Variants in STK24 observed in about 807,000 individuals in gnomAD.
STK24 encodes serine/threonine kinase 24.
A neutral mutation model predicts 55.6 loss-of-function variants in STK24; 21 were observed. The ratio of observed to expected loss-of-function variants is 0.38; its 90% CI spans 0.27 to 0.54. The LOEUF is 0.54. STK24 is among the 20% of genes least tolerant of loss of function. STK24 has a pLI of 0.79. For synonymous variants in STK24, 200 were observed against 215.2 expected (o/e 0.93, Z 0.62); for missense variants, 383 against 538.4 (o/e 0.71, Z 2.86).
intron 9 of STK24, 63 bp downstream of exon 9, chr13:98,460,309 A>C: frequency 6.9e-7 from 1 of 1,443,256 alleles, no homozygotes; most frequent in Non-Finnish European, 9.7e-7. Context: ...ATCACCACTG[A>C]AGTGTGTCCA....
At chr13:98,480,623 TATA>T (rs1348713788) in intron 3 of STK24, among the ~76,000 whole-genome samples, 1 of 152,258 alleles carries the variant, frequency 6.6e-6, no homozygotes, top group African/African-American at 2.4e-5. Context: ...TTTTATGGTT[TATA>T]ATAATATTTG....
At chr13:98,495,981 G>A (rs1895238966) in intron 2 of STK24, among the ~76,000 whole-genome samples, 1 of 152,248 alleles carries the variant, frequency 6.6e-6, no homozygotes, top group African/African-American at 2.4e-5. Context: ...AGAGAAAACA[G>A]ATGTGCTTCT....
chr13:98,505,497 T>C (rs112111573), intron 2 of STK24, among the ~76,000 whole-genome samples: 30 of 152,360 alleles, frequency 2.0e-4, no homozygotes, highest in African/African-American at 6.3e-4. Flanking sequence ...ATAATCAACC[T>C]TGTCATTGAC....
chr13:98,532,566 G>A (rs1896609552), intron 1 of STK24, among the ~76,000 whole-genome samples: 1 of 151,952 alleles, frequency 6.6e-6, no homozygotes, highest in Non-Finnish European at 1.5e-5. Flanking sequence ...AGCCCCAAAG[G>A]GTGCTTCGTG....
At chr13:98,561,182 C>A (rs1382995224) in intron 1 of STK24, among the ~76,000 whole-genome samples, 1 of 152,206 alleles carries the variant, frequency 6.6e-6, no homozygotes, top group African/African-American at 2.4e-5. Flanking sequence ...GCAACCTAGG[C>A]AAAGCAATTA....
intron 1 of STK24, among the ~76,000 whole-genome samples, chr13:98,535,369 AAATATAT>A (rs1469356504): frequency 3.9e-5 from 3 of 77,124 alleles, no homozygotes; most frequent in African/African-American, 1.3e-4. Flanking sequence ...AACAAAAAAA[AAATATAT>A]ATATATATAT....
At chr13:98,574,243 C>T (rs1022061968) in intron 1 of STK24, among the ~76,000 whole-genome samples, 12 of 152,210 alleles carry the variant, frequency 7.9e-5, no homozygotes, top group Non-Finnish European at 1.3e-4. Context: ...GATCTCCTGA[C>T]CTCATGATCC....
intron 1 of STK24, among the ~76,000 whole-genome samples, chr13:98,550,033 G>T (rs571975807): frequency 1.3e-5 from 2 of 152,284 alleles, no homozygotes; most frequent in East Asian, 3.9e-4. Context: ...TTCCACAGGT[G>T]GGTCGTCTGC....
At chr13:98,475,522 G>A (rs986914012) in intron 3 of STK24, among the ~76,000 whole-genome samples, 164 bp from the exon 4 acceptor site, 1 of 152,194 alleles carries the variant, frequency 6.6e-6, no homozygotes, top group African/African-American at 2.4e-5. Flanking sequence ...AGTCCACTGA[G>A]GGACCCTTAA....
At chr13:98,459,145 G>A (rs371323589) in intron 9 of STK24, among the ~76,000 whole-genome samples, 26 of 152,310 alleles carry the variant, frequency 1.7e-4, no homozygotes, top group Middle Eastern at 3.4e-3. Flanking sequence ...GCGGCCAATG[G>A]CAGGGCCGCA....
At chr13:98,462,473 C>G (rs1265937250) in intron 7 of STK24, among the ~76,000 whole-genome samples, 1 of 152,112 alleles carries the variant, frequency 6.6e-6, no homozygotes, top group African/African-American at 2.4e-5. Flanking sequence ...AGGCAATGAG[C>G]CCCAGGCCCT....
chr13:98,507,123 T>A (rs1035564451), intron 2 of STK24, among the ~76,000 whole-genome samples: 20 of 152,220 alleles, frequency 1.3e-4, no homozygotes, highest in African/African-American at 4.1e-4. Context: ...CTCCACCCGA[T>A]TCTCCCTCCT....
intron 1 of STK24, among the ~76,000 whole-genome samples, chr13:98,551,198 A>G (rs933201366): frequency 1.6e-4 from 25 of 151,868 alleles, no homozygotes; most frequent in Admixed American, 6.5e-5. Flanking sequence ...AGGCAGGAGA[A>G]TGGCGTGAAC....
chr13:98,514,044 G>A (rs1254308630), intron 2 of STK24, among the ~76,000 whole-genome samples: 4 of 152,220 alleles, frequency 2.6e-5, no homozygotes, highest in East Asian at 3.8e-4. Flanking sequence ...TAGCTAGACT[G>A]GTATTTCTTC....
At chr13:98,561,443 C>T (rs1173326693) in intron 1 of STK24, among the ~76,000 whole-genome samples, 13 of 151,728 alleles carry the variant, frequency 8.6e-5, no homozygotes, top group Middle Eastern at 3.2e-3. Flanking sequence ...ATTAGCCGGT[C>T]GTGAGGCACA....
chr13:98,502,522 A>G (rs1484300852), intron 2 of STK24, among the ~76,000 whole-genome samples: 1 of 152,224 alleles, frequency 6.6e-6, no homozygotes, highest in Admixed American at 6.5e-5. Flanking sequence ...GTGGGGCCTT[A>G]TAAGAGGTAC....
intron 1 of STK24, among the ~76,000 whole-genome samples, chr13:98,548,364 A>G (rs567509023): frequency 6.6e-6 from 1 of 152,268 alleles, no homozygotes; most frequent in South Asian, 2.1e-4. Context: ...TTTCTAAGCC[A>G]CAACTGCCAA....
chr13:98,533,567 T>C (rs1896635512), intron 1 of STK24, among the ~76,000 whole-genome samples: 1 of 151,772 alleles, frequency 6.6e-6, no homozygotes, highest in Non-Finnish European at 1.5e-5. Context: ...GGAGAATCAC[T>C]TGAGCCCAGG....
chr13:98,543,579 C>T (rs767896100), intron 1 of STK24, among the ~76,000 whole-genome samples: 3 of 152,118 alleles, frequency 2.0e-5, no homozygotes, highest in African/African-American at 2.4e-5. Flanking sequence ...CCCGAAGACG[C>T]GGGTCTGATC....
Sources: gnomAD v4.1 joint callset for allele counts (sites outside exome capture counted in the v4.1 genomes callset) on GRCh38, gnomAD v4.1.1 for gene constraint, MANE v1.5 for transcripts, NCBI Gene and HGNC (gene_info 2026-07-23, HGNC 2026-07-21) for gene names.